The following SLC30A10 variants were observed in gnomAD, a reference collection of about 807,000 sequenced individuals.
SLC30A10 encodes the protein calcium/manganese antiporter SLC30A10.
SLC30A10 carries 8 observed loss-of-function variants against 21.7 expected under a neutral mutation model. The ratio of observed to expected loss-of-function variants is 0.37; its 90% CI spans 0.22 to 0.67. The LOEUF (loss-of-function observed/expected upper bound fraction) is 0.67. SLC30A10 is among the 30% of genes least tolerant of loss of function. The pLI is 0.58. For missense variants in SLC30A10, 521 were observed against 642.5 expected (o/e 0.81, Z 2.04); for synonymous variants, 272 against 279.4 (o/e 0.97, Z 0.26).
At chr1:219,927,662 AAAAAAACAACAACAAC>A in intron 1 of SLC30A10, 123 bp downstream of exon 1, 3 of 551,454 alleles carry the variant, frequency 5.4e-6, no homozygotes, top group South Asian at 6.1e-5. Context: ...AAAAAAAAAA[AAAAAAACAACAACAAC>A]AAAAAAAAAA....
intron 1 of SLC30A10, among the ~76,000 whole-genome samples, chr1:219,937,313 G>T (rs1660059700): frequency 6.6e-6 from 1 of 152,134 alleles, no homozygotes. Context: ...CAGAATGTAT[G>T]TATGAATTAT....
At chr1:219,944,397 G>A (rs995624572) in intron 1 of SLC30A10, among the ~76,000 whole-genome samples, 5 of 137,366 alleles carry the variant, frequency 3.6e-5, no homozygotes, top group Admixed American at 7.5e-5. Context: ...GCAATGAGCC[G>A]AGATCGCGCC....
intron 1 of SLC30A10, among the ~76,000 whole-genome samples, chr1:219,951,137 T>C (rs891690051): frequency 1.3e-5 from 2 of 152,022 alleles, no homozygotes; most frequent in Admixed American, 1.3e-4. Flanking sequence ...ATTTTTCTTA[T>C]TTTTGTAGAG....
At chr1:219,925,652 T>TATATATATATATATATATATA (rs1491117690) in intron 2 of SLC30A10, among the ~76,000 whole-genome samples, 30 of 38,022 alleles carry the variant, frequency 7.9e-4, no homozygotes, top group East Asian at 2.0e-3. Flanking sequence ...TATATATATA[T>TATATATATATATATATATATA]TTTTTTTTTT....
intron 1 of SLC30A10, among the ~76,000 whole-genome samples, chr1:219,945,455 A>G (rs1471069587): frequency 6.6e-6 from 1 of 152,234 alleles, no homozygotes; most frequent in Admixed American, 6.5e-5. Context: ...TTGAATGGGC[A>G]GGTTAATGAG....
chr1:219,954,395 C>T (rs6680117), intron 1 of SLC30A10, among the ~76,000 whole-genome samples: 49,053 of 151,502 alleles, frequency 0.32, 10,536 homozygotes, highest in African/African-American at 0.62. Context: ...CAAAACAAAA[C>T]TTAGCCGGGC....
At chr1:219,939,451 C>A (rs1301139642) in intron 1 of SLC30A10, among the ~76,000 whole-genome samples, 1 of 151,648 alleles carries the variant, frequency 6.6e-6, no homozygotes, top group Non-Finnish European at 1.5e-5. Flanking sequence ...TCTTTGAGAC[C>A]AAGTCTCACT....
chr1:219,949,804 A>G (rs1558261151), intron 1 of SLC30A10, among the ~76,000 whole-genome samples: 1 of 152,054 alleles, frequency 6.6e-6, no homozygotes, highest in Admixed American at 6.6e-5. Context: ...AAATTGGTGT[A>G]TTTCATAATC....
intron 1 of SLC30A10, among the ~76,000 whole-genome samples, chr1:219,953,770 G>A (rs939975684): frequency 1.3e-5 from 2 of 151,008 alleles, no homozygotes; most frequent in African/African-American, 4.9e-5. Context: ...GCAGTGGCCC[G>A]ATCTCGGCTC....
In SLC30A10 at chr1:219,927,020, A is replaced by G. The variant is rs756344416; in HGVS notation, c.718+8T>C. Reference sequence around the variant, plus strand: ...AGGGATTTCAAATAGGCCCAAAGTCAATCCTACCTCTGATATTCAGAGCTT... The same window carrying G: ...AGGGATTTCAAATAGGCCCAAAGTCGATCCTACCTCTGATATTCAGAGCTT... On this transcript the variant is annotated splice_region_variant and intron_variant, in intron 2 of 3. Coordinates refer to ENST00000366926, the MANE Select transcript of SLC30A10 (RefSeq NM_018713.3). 1 of 1,604,116 alleles carries G rather than the reference A, an allele frequency of 6.2e-7. No individual in the cohort carries two copies. Among genetic ancestry groups the G allele is most frequent in the Non-Finnish European group, 8.5e-7 (1 of 1,171,334 alleles).
chr1:219,915,692 G>C lies in SLC30A10; in HGVS notation c.1215C>G (p.Ile405Met). The C allele has an allele frequency of 6.2e-7, 1 of 1,614,242 alleles. No individual in the cohort carries two copies. The highest frequency in any genetic ancestry group is 2.2e-5 in the East Asian group (1 of 44,886). ...DLLLLCNSPC[I>M]SKGCAKQLCC... Reference sequence around the variant, plus strand: ...ACAGCTGCTTAGCACAGCCCTTGGAGATGCAGGGTGAGTTGCAGAGCAACA... The same window carrying C: ...ACAGCTGCTTAGCACAGCCCTTGGACATGCAGGGTGAGTTGCAGAGCAACA... The change falls in exon 4 of 4, where the codon ATC (isoleucine) becomes ATG (methionine). Residue 405 changes from isoleucine (I) to methionine (M), a missense_variant. Ile to Met is a conservative substitution (Grantham distance 10). Transcript: ENST00000366926.
At chr1:219,946,631 G>A (rs1660189293) in intron 1 of SLC30A10, among the ~76,000 whole-genome samples, 1 of 152,050 alleles carries the variant, frequency 6.6e-6, no homozygotes, top group Non-Finnish European at 1.5e-5. Context: ...AATGGATTAA[G>A]CCTGGCTCAG....
intron 2 of SLC30A10, among the ~76,000 whole-genome samples, chr1:219,923,340 A>G (rs1659740720): frequency 6.6e-6 from 1 of 152,208 alleles, no homozygotes; most frequent in Non-Finnish European, 1.5e-5. Context: ...TGCTGCCTTT[A>G]GATTAAAACG....
chr1:219,953,799 T>C (rs1040479556), intron 1 of SLC30A10, among the ~76,000 whole-genome samples: 3 of 151,652 alleles, frequency 2.0e-5, no homozygotes, highest in African/African-American at 4.8e-5. Flanking sequence ...CTCCACCTCC[T>C]GGGTTCACAC....
chr1:219,927,644 A>C (rs1317283166), intron 1 of SLC30A10, among the ~76,000 whole-genome samples, 157 bp downstream of exon 1: 2 of 25,598 alleles, frequency 7.8e-5, no homozygotes, highest in African/African-American at 1.2e-3. Context: ...TTATTAAAAA[A>C]AAAAAAAAAA....
chr1:219,915,173 G>A lies in SLC30A10; in HGVS notation c.*276C>T, dbSNP rs138571819. 0.023 allele frequency: 9,622 copies of A among 426,646 alleles called. 163 individuals are homozygous for A. Among genetic ancestry groups the A allele is most frequent in the Non-Finnish European group, 0.027 (6,397 of 234,298 alleles). 26.4% of individuals were successfully genotyped at this position (426,646 alleles called of 1,614,324 possible). On this transcript the variant is annotated 3_prime_UTR_variant, in exon 4 of 4. Transcript: ENST00000366926. ...CCCAGTCCCAGACTTTAATGTCCCT[G>A]ATATATACACTAGTGCAGTTTGCTT...
chr1:219,928,217 G>T lies in SLC30A10; in HGVS notation c.224C>A (p.Ala75Asp), dbSNP rs767306034. ...CAGCGCGCCCACCACCTCGGCGCGG[G>T]CGTAGCCGTAGGTGGCGCTGAAGCC... is the stretch of plus-strand genomic sequence containing the variant. ...TRGFSATYGY[A>D]RAEVVGALSN... The change falls in exon 1 of 4, where the codon GCC becomes GAC. Residue 75 changes from alanine to aspartate, a missense_variant. Coordinates refer to ENST00000366926, the MANE Select transcript of SLC30A10 (RefSeq NM_018713.3). The surrounding 1 kb of genome is among the most constrained non-coding windows in gnomAD (Gnocchi z 6.3). 7.7e-6 allele frequency: 12 copies of T among 1,563,334 alleles called. No individual in the cohort carries two copies. Among genetic ancestry groups the T allele is most frequent in the Non-Finnish European group, 1.0e-5 (12 of 1,154,224 alleles).
At chr1:219,949,980 G>GA (rs1660246427) in intron 1 of SLC30A10, among the ~76,000 whole-genome samples, 1 of 152,184 alleles carries the variant, frequency 6.6e-6, no homozygotes, top group African/African-American at 2.4e-5. Context: ...CTACCTTCCT[G>GA]AAAAATCAAG....
In SLC30A10 at chr1:219,914,216, T is replaced by C. The variant is rs1301275475; in HGVS notation, c.*1233A>G. The C allele has an allele frequency of 1.3e-5, 2 of 152,224 alleles. No homozygotes were observed. Among genetic ancestry groups the C allele is most frequent in the Admixed American group, 1.3e-4 (2 of 15,278 alleles). The allele number at this position is 152,224 out of a possible 1,614,324, so 9.4% of individuals were successfully genotyped here. On this transcript the variant is annotated 3_prime_UTR_variant, in exon 4 of 4. Transcript: ENST00000366926. ...GACTGTTCTGATTTAAATACTGATG[T>C]CTGAGCAATGTGTTAAAAACATGAC...
Sources: allele counts gnomAD v4.1 joint callset (sites outside exome capture counted in the v4.1 genomes callset), GRCh38; gene constraint gnomAD v4.1.1; non-coding constraint Gnocchi (gnomAD v3.1); transcripts MANE v1.5; gene names NCBI Gene and HGNC (gene_info 2026-07-23, HGNC 2026-07-21).